Variants in XKR9 observed in about 807,000 individuals in gnomAD.
XKR9 encodes XK-related protein 9.
A neutral mutation model predicts 32.0 loss-of-function variants in XKR9; 32 were observed. The observed-to-expected ratio is 1.00, with a 90% CI of 0.76 to 1.34. The LOEUF is 1.34. XKR9 is among the 40% of genes most tolerant of loss of function. XKR9 has a pLI of 0.00. For missense variants in XKR9, 546 were observed against 429.7 expected (o/e 1.27, Z -2.39); for synonymous variants, 168 against 143.4 (o/e 1.17, Z -1.22).
At chr8:70,777,025 G>A (rs1484692398) in intron 2 of XKR9, among the ~76,000 whole-genome samples, 2 of 148,330 alleles carry the variant, frequency 1.3e-5, no homozygotes, top group African/African-American at 2.5e-5. Context: ...TGTTACATAG[G>A]TATACATGTG....
At chr8:70,685,153 TA>T (rs1819220172) in intron 3 of XKR9, among the ~76,000 whole-genome samples, 1 of 151,906 alleles carries the variant, frequency 6.6e-6, no homozygotes, top group African/African-American at 2.4e-5. Flanking sequence ...CACCATGGAA[TA>T]CTACGCAGCC....
intron 3 of XKR9, among the ~76,000 whole-genome samples, chr8:70,687,078 C>T (rs1819306682): frequency 1.6e-5 from 2 of 123,740 alleles, no homozygotes; most frequent in Admixed American, 1.5e-4. Flanking sequence ...ATTTGTGCAC[C>T]CATTAACCAT....
chr8:71,043,871 T>C, the XKR9 span, among the ~76,000 whole-genome samples: 1 of 152,160 alleles, frequency 6.6e-6, no homozygotes, highest in Admixed American at 6.5e-5. Flanking sequence ...GTAAAATTTA[T>C]AAATGACATT....
the XKR9 span, among the ~76,000 whole-genome samples, chr8:70,962,316 C>G: frequency 6.6e-6 from 1 of 152,026 alleles, no homozygotes; most frequent in African/African-American, 2.4e-5. Flanking sequence ...AAAATTGATC[C>G]TGTCACCCAG....
At chr8:70,798,262 G>A in the XKR9 span, among the ~76,000 whole-genome samples, 1 of 151,988 alleles carries the variant, frequency 6.6e-6, no homozygotes, top group Non-Finnish European at 1.5e-5. Flanking sequence ...ACTGGTGTGA[G>A]GTAGTATCTC....
chr8:70,902,728 T>C, the XKR9 span, among the ~76,000 whole-genome samples: 1 of 152,346 alleles, frequency 6.6e-6, no homozygotes, highest in East Asian at 1.9e-4. Flanking sequence ...GAATGCTTTC[T>C]GCTTTTGTCC....
intron 2 of XKR9, among the ~76,000 whole-genome samples, chr8:70,776,577 T>C (rs1051898313): frequency 6.6e-6 from 1 of 152,068 alleles, no homozygotes; most frequent in Non-Finnish European, 1.5e-5. Context: ...TAAATGCCTG[T>C]TCTCCTCTGA....
chr8:71,022,746 G>T, the XKR9 span, among the ~76,000 whole-genome samples: 1 of 152,104 alleles, frequency 6.6e-6, no homozygotes, highest in Admixed American at 6.5e-5. Flanking sequence ...CCCCACATTA[G>T]AATGCTTGGA....
chr8:70,699,980 C>T (rs1179939206), intron 3 of XKR9, among the ~76,000 whole-genome samples: 1 of 152,216 alleles, frequency 6.6e-6, no homozygotes, highest in African/African-American at 2.4e-5. Flanking sequence ...CGCATCAGCT[C>T]CTGAGTCTTC....
At chr8:71,016,288 A>G in the XKR9 span, among the ~76,000 whole-genome samples, 1 of 152,124 alleles carries the variant, frequency 6.6e-6, no homozygotes, top group Admixed American at 6.6e-5. Context: ...ATATTTTTTC[A>G]ATCAATGCAA....
At chr8:70,802,642 A>C in the XKR9 span, among the ~76,000 whole-genome samples, 1 of 152,010 alleles carries the variant, frequency 6.6e-6, no homozygotes, top group Admixed American at 6.5e-5. Flanking sequence ...TCCCTCAAGG[A>C]CCCTTAAGGA....
the XKR9 span, among the ~76,000 whole-genome samples, chr8:70,899,588 G>A: frequency 1.3e-5 from 2 of 152,012 alleles, no homozygotes; most frequent in Non-Finnish European, 2.9e-5. Flanking sequence ...GGCTCTCTTT[G>A]CACTTTGGCT....
At chr8:70,993,215 C>T in the XKR9 span, among the ~76,000 whole-genome samples, 3 of 152,288 alleles carry the variant, frequency 2.0e-5, no homozygotes, top group South Asian at 2.1e-4. Context: ...CTAGCACAGC[C>T]GGTCTGTGTC....
At chr8:70,831,876 T>G in the XKR9 span, among the ~76,000 whole-genome samples, 1 of 152,206 alleles carries the variant, frequency 6.6e-6, no homozygotes, top group South Asian at 2.1e-4. Context: ...CTATGCATTT[T>G]CCTGCTGTAT....
At chr8:70,957,827 G>C in the XKR9 span, among the ~76,000 whole-genome samples, 1 of 106,916 alleles carries the variant, frequency 9.4e-6, no homozygotes, top group Non-Finnish European at 1.7e-5. Flanking sequence ...TCTCACTCTT[G>C]CCCAGGCTGG....
chr8:70,670,220 A>G (rs951366237), intron 1 of XKR9, among the ~76,000 whole-genome samples: 5 of 152,190 alleles, frequency 3.3e-5, no homozygotes, highest in Admixed American at 6.5e-5. Context: ...TTCAAGGAGC[A>G]TGCCTCTGCC....
rs778425756 is a variant in XKR9, at chr8:70,734,292, TC to T, written c.991del (p.Gly332GlufsTer31). 2.5e-6 allele frequency: 4 copies of T among 1,612,764 alleles called. No homozygotes were observed. In the African/African-American group the frequency reaches 5.3e-5, roughly 21 times the overall value. Reference protein sequence around the residue: ...ISITIVLTLLLGILFLIVYYG... With the variant: ...ISITIVLTLLXGILFLIVYYG... ...GTATAACTATAGTTCTTACTCTTCT[TC>T]TTGGAATTCTTTTTCTTATTGTTTA... On this transcript the variant is annotated frameshift_variant, in exon 5 of 5. Coordinates refer to ENST00000408926, the MANE Select transcript of XKR9 (RefSeq NM_001011720.2). LOFTEE classifies it high-confidence loss of function.
At chr8:70,887,334 T>A in the XKR9 span, among the ~76,000 whole-genome samples, 1 of 152,214 alleles carries the variant, frequency 6.6e-6, no homozygotes, top group Non-Finnish European at 1.5e-5. Context: ...AGTCTTGTAG[T>A]GCAGTTTGAA....
At chr8:70,850,688 C>T in the XKR9 span, among the ~76,000 whole-genome samples, 1 of 152,016 alleles carries the variant, frequency 6.6e-6, no homozygotes, top group Non-Finnish European at 1.5e-5. Flanking sequence ...GACAAAACCA[C>T]ATGATTATCT....
Sources: gnomAD v4.1 joint callset for allele counts (sites outside exome capture counted in the v4.1 genomes callset) on GRCh38, gnomAD v4.1.1 for gene constraint, MANE v1.5 for transcripts, NCBI Gene and HGNC (gene_info 2026-07-23, HGNC 2026-07-21) for gene names.